Variants in PLCG2 observed in about 807,000 individuals in gnomAD.
PLCG2 encodes 1-phosphatidylinositol 4,5-bisphosphate phosphodiesterase gamma-2.
Under a neutral mutation model 175.6 loss-of-function variants are expected in PLCG2, and 69 were observed. The ratio of observed to expected loss-of-function variants is 0.39; its 90% CI spans 0.32 to 0.48. The LOEUF is 0.48. Ranked by LOEUF, PLCG2 falls within the 20% of genes least tolerant of loss-of-function variation. The pLI is 0.91. For synonymous variants in PLCG2, 827 were observed against 624.0 expected (o/e 1.33, Z -4.85); for missense variants, 1,798 against 1,650.9 (o/e 1.09, Z -1.54).
chr16:81,769,672 T>G (rs1291671607), intron 2 of PLCG2, among the ~76,000 whole-genome samples: 1 of 151,380 alleles, frequency 6.6e-6, no homozygotes, highest in Admixed American at 6.6e-5. Context: ...AAAAAAAAAT[T>G]AGCCGGGCGT....
chr16:81,770,220 C>T (rs1910247277), intron 2 of PLCG2, among the ~76,000 whole-genome samples: 1 of 152,170 alleles, frequency 6.6e-6, no homozygotes, highest in East Asian at 1.9e-4. Context: ...AACCGAGAAA[C>T]CAGCACCCCT....
intron 2 of PLCG2, among the ~76,000 whole-genome samples, chr16:81,825,547 G>A (rs7195005): frequency 0.015 from 2,244 of 152,112 alleles, 52 homozygotes; most frequent in African/African-American, 0.052. Flanking sequence ...CACCTGCCTC[G>A]GTCTCCCAAA....
chr16:81,877,833 C>T (rs1597368912), intron 7 of PLCG2, among the ~76,000 whole-genome samples: 1 of 151,600 alleles, frequency 6.6e-6, no homozygotes, highest in Non-Finnish European at 1.5e-5. Flanking sequence ...GATGTCATTG[C>T]ATCGCTCCTT....
intron 7 of PLCG2, among the ~76,000 whole-genome samples, chr16:81,876,029 TTTTTTTTTG>T (rs1403398362): frequency 5.6e-5 from 8 of 143,178 alleles, no homozygotes; most frequent in South Asian, 2.3e-4. Context: ...TTTTTTTTTT[TTTTTTTTTG>T]TTTTTGAGAC....
At chr16:81,919,853 C>T (rs1026466796) in intron 20 of PLCG2, among the ~76,000 whole-genome samples, 189 bp downstream of exon 20, 1 of 152,124 alleles carries the variant, frequency 6.6e-6, no homozygotes, top group Non-Finnish European at 1.5e-5. Context: ...TGGGGAGATG[C>T]AACAAATGAC....
intron 13 of PLCG2, 98 bp downstream of exon 13, chr16:81,896,025 C>A: frequency 6.9e-7 from 1 of 1,447,000 alleles, no homozygotes; most frequent in Non-Finnish European, 9.6e-7. Context: ...CAGACACCTC[C>A]CTCCAAATGC....
chr16:81,785,956 C>G lies in PLCG2; in HGVS notation c.-34C>G. 6.3e-7 allele frequency: 1 copy of G among 1,593,206 alleles called. No individual in the cohort carries two copies. The highest frequency in any genetic ancestry group is 8.6e-7 in the Non-Finnish European group (1 of 1,165,176). ...CTGCCCTTTCAGCTTCCTGATTTCT[C>G]CCGATTCCTTCCTTCTCCCTGGAGC... On this transcript the variant is annotated 5_prime_UTR_variant, in exon 2 of 33. Coordinates refer to ENST00000564138, the MANE Select transcript of PLCG2 (RefSeq NM_002661.5).
At chr16:81,948,792 C>A (rs1192003647) in intron 31 of PLCG2, among the ~76,000 whole-genome samples, 1 of 152,130 alleles carries the variant, frequency 6.6e-6, no homozygotes, top group East Asian at 1.9e-4. Flanking sequence ...TGTTTAACAT[C>A]CATGACCCAA....
chr16:81,781,003 G>C (rs1910703626), intron 1 of PLCG2, among the ~76,000 whole-genome samples: 1 of 151,476 alleles, frequency 6.6e-6, no homozygotes, highest in Non-Finnish European at 1.5e-5. Context: ...CTCCAGCCTG[G>C]GTGACAAGAG....
At chr16:81,898,184 G>A (rs941566071) in intron 13 of PLCG2, 2 of 194,756 alleles carry the variant, frequency 1.0e-5, no homozygotes, top group African/African-American at 4.8e-5. Context: ...ACTAGAGGAA[G>A]TTTTTTCTGG....
chr16:81,756,707 A>C (rs1372214408), intron 2 of PLCG2, among the ~76,000 whole-genome samples: 2 of 152,196 alleles, frequency 1.3e-5, no homozygotes, highest in Non-Finnish European at 2.9e-5. Flanking sequence ...TGTTATTGGC[A>C]CTGTTTTACA....
chr16:81,746,034 CATA>C (rs1231929541), intron 1 of PLCG2, among the ~76,000 whole-genome samples: 1 of 152,158 alleles, frequency 6.6e-6, no homozygotes, highest in Non-Finnish European at 1.5e-5. Context: ...CTGGGGACAA[CATA>C]ATGTCACAGA....
rs751857035 is a variant in PLCG2 at position 81,871,417 on chromosome 16, C to CA, written c.648+484dup. ...GCAGTGGTGTGATCTTGGTTCACTG[C>CA]AACCTTTGCCTCCCGGGTTCAAGCG... On this transcript the variant is annotated intron_variant, in intron 7 of 32. Coordinates refer to ENST00000564138, the MANE Select transcript of PLCG2 (RefSeq NM_002661.5). Among the ~76,000 whole-genome samples the CA allele has an allele frequency of 2.4e-3, 364 of 152,306 alleles. 3 individuals carry two copies. The highest frequency in any genetic ancestry group is 6.8e-3 in the Middle Eastern group (2 of 294).
rs193138226 is a variant in PLCG2, at chr16:81,784,736, G to A, written c.-47-1207G>A. ...TTAAGCCTTACAAAAACATTTAGAT[G>A]GTGGATACTGTTACCTTCTTTTATG... On this transcript the variant is annotated intron_variant, in intron 1 of 32. Transcript: ENST00000564138. 4.6e-5 allele frequency among the ~76,000 whole-genome samples: 7 copies of A among 152,282 alleles called. No individual in the cohort carries two copies. In the East Asian group the frequency reaches 5.8e-4, roughly 13 times the overall value.
intron 2 of PLCG2, among the ~76,000 whole-genome samples, chr16:81,847,229 G>T (rs1258449027): frequency 1.3e-5 from 2 of 152,206 alleles, no homozygotes; most frequent in African/African-American, 4.8e-5. Flanking sequence ...CCTGATAGAA[G>T]AGATGCATAG....
At chr16:81,936,761 A>C (rs3934955) in intron 27 of PLCG2, among the ~76,000 whole-genome samples, 72,460 of 151,934 alleles carry the variant, frequency 0.48, 17,956 homozygotes, top group African/African-American at 0.61. Context: ...GGCATAACTA[A>C]CATACACAAA....
At chr16:81,895,614 G>T in intron 12 of PLCG2, 193 bp from the exon 13 acceptor site, 1 of 567,008 alleles carries the variant, frequency 1.8e-6, no homozygotes, top group Non-Finnish European at 3.1e-6. Context: ...GTCTTGGACA[G>T]CTGCACTTGC....
At chr16:81,832,202 G>T (rs1211308785) in intron 2 of PLCG2, among the ~76,000 whole-genome samples, 1 of 152,156 alleles carries the variant, frequency 6.6e-6, no homozygotes, top group Non-Finnish European at 1.5e-5. Context: ...TGAATACTTG[G>T]GGGGATATTC....
Position 81,962,131 on chromosome 16 carries a change from G to A in PLCG2, c.*4133G>A, listed in dbSNP as rs906093178. The A allele has an allele frequency of 4.9e-5, 9 of 185,238 alleles. No individual in the cohort carries two copies. Among genetic ancestry groups the A allele is most frequent in the African/African-American group, 7.0e-5 (3 of 42,574 alleles). 11.5% of individuals were successfully genotyped at this position (185,238 alleles called of 1,614,324 possible). A position where few individuals can be genotyped will look rare whatever the true frequency, so the allele number is the denominator to read the frequency against. ...CGGTCAAGGGTATACGAGTAGCTGC[G>A]CTCCCCTGCTGGAACCTCCAAACAA... On this transcript the variant is annotated 3_prime_UTR_variant, in exon 33 of 33. Transcript: ENST00000564138.
Sources: gnomAD v4.1 joint callset for allele counts (sites outside exome capture counted in the v4.1 genomes callset) on GRCh38, gnomAD v4.1.1 for gene constraint, MANE v1.5 for transcripts, NCBI Gene and HGNC (gene_info 2026-07-23, HGNC 2026-07-21) for gene names.